The following TCF4 variants were observed in gnomAD, a reference collection of about 807,000 sequenced individuals.
TCF4 encodes the protein SL3-3 enhancer factor 2.
A neutral mutation model predicts 82.1 loss-of-function variants in TCF4; 3 were observed. The observed-to-expected ratio is 0.04, with a 90% CI of 0.02 to 0.09. The LOEUF is 0.09. TCF4 is among the 10% of genes least tolerant of loss of function. The pLI is 1.00. For missense variants in TCF4, 518 were observed against 852.7 expected (o/e 0.61, Z 4.89); for synonymous variants, 276 against 309.6 (o/e 0.89, Z 1.14).
chr18:55,236,991 C>T (rs116229399), intron 15 of TCF4, among the ~76,000 whole-genome samples: 2,019 of 152,234 alleles, frequency 0.013, 43 homozygotes, highest in African/African-American at 0.046. Flanking sequence ...TAATGTTTTG[C>T]TTTTTACTTA....
chr18:55,253,113 C>CTTCTATT (rs1485683472), intron 15 of TCF4, among the ~76,000 whole-genome samples: 16 of 152,214 alleles, frequency 1.1e-4, no homozygotes, highest in African/African-American at 3.4e-4. Flanking sequence ...GAGTTCGTTG[C>CTTCTATT]TTCTATTTAT....
At chr18:55,275,346 T>C (rs1046811159) in intron 10 of TCF4, among the ~76,000 whole-genome samples, 1 of 149,988 alleles carries the variant, frequency 6.7e-6, no homozygotes, top group Non-Finnish European at 1.5e-5. Flanking sequence ...GGTATCTATT[T>C]ATGTACCCAA....
At chr18:55,576,107 T>C (rs1421811017) in intron 3 of TCF4, among the ~76,000 whole-genome samples, 1 of 152,168 alleles carries the variant, frequency 6.6e-6, no homozygotes, top group South Asian at 2.1e-4. Context: ...TGAATTGTAC[T>C]GGTGAGTTTC....
Position 55,275,608 on chromosome 18 carries a change from G to GTC in TCF4, c.789+9_789+10dup. The GTC allele has an allele frequency of 6.2e-7, 1 of 1,613,660 alleles. No homozygotes were observed. The stretch of plus-strand genomic sequence containing the variant: ...CTGTGACATTCCCGTTACCGTGTAT[G>GTC]TCTGCCTTACCAAACGTTCATGTGG... On this transcript the variant is annotated intron_variant, in intron 10 of 19. Transcript: ENST00000354452.
At chr18:55,458,682 G>C (rs909847800) in intron 5 of TCF4, among the ~76,000 whole-genome samples, 1 of 152,098 alleles carries the variant, frequency 6.6e-6, no homozygotes, top group African/African-American at 2.4e-5. Flanking sequence ...CTTCAGATAC[G>C]CAAGCCAATC....
intron 3 of TCF4, among the ~76,000 whole-genome samples, chr18:55,548,920 A>C (rs2097231941): frequency 6.6e-6 from 1 of 152,230 alleles, no homozygotes; most frequent in African/African-American, 2.4e-5. Context: ...TGGTGAGTGA[A>C]TGCAAAGGCC....
intron 6 of TCF4, 24 bp from the exon 7 acceptor site, chr18:55,351,027 A>C: frequency 6.2e-7 from 1 of 1,612,850 alleles, no homozygotes. Context: ...AAGGGAAAAC[A>C]AACATATAAG....
chr18:55,495,089 C>G (rs2096619792), intron 3 of TCF4, among the ~76,000 whole-genome samples: 1 of 151,714 alleles, frequency 6.6e-6, no homozygotes, highest in African/African-American at 2.4e-5. Context: ...AGAGCTCAAC[C>G]ACAGGGTTAC....
chr18:55,228,148 T>A (rs1258056542), intron 19 of TCF4, 73 bp downstream of exon 19: 1 of 1,591,478 alleles, frequency 6.3e-7, no homozygotes, highest in Non-Finnish European at 8.6e-7. Context: ...TTGGGTGAAA[T>A]TCACTTTTAT....
At chr18:55,309,964 T>C (rs2071760416) in intron 8 of TCF4, among the ~76,000 whole-genome samples, 1 of 152,178 alleles carries the variant, frequency 6.6e-6, no homozygotes, top group Non-Finnish European at 1.5e-5. Context: ...AAAATTACCA[T>C]AAAAATAGTA....
intron 5 of TCF4, among the ~76,000 whole-genome samples, chr18:55,447,442 T>C (rs1209882493): frequency 1.3e-5 from 2 of 152,172 alleles, no homozygotes; most frequent in Non-Finnish European, 2.9e-5. Flanking sequence ...GATTCTTTTA[T>C]TAGGATGTGG....
rs568516920 is a variant in TCF4 at position 55,620,731 on chromosome 18, A to T, written c.286+10567T>A. On this transcript the variant is annotated intron_variant, in intron 2 of 20. Coordinates refer to the TCF4 transcript ENST00000398339. ...CCCCTTGCTTGTTTCTTATCTTTTA[A>T]TGATCAGTATTCTTTGTCGTCCATT... Among the ~76,000 whole-genome samples the T allele has an allele frequency of 5.3e-5, 8 of 151,808 alleles. No individual in the cohort carries two copies. In the South Asian group the frequency reaches 1.5e-3, roughly 28 times the overall value.
At chr18:55,624,725 C>T (rs2097724811) in intron 2 of TCF4, among the ~76,000 whole-genome samples, 1 of 152,184 alleles carries the variant, frequency 6.6e-6, no homozygotes, top group Middle Eastern at 3.2e-3. Context: ...TTTCTCCAGG[C>T]AGCTCTCCCT....
At chr18:55,460,301 C>A (rs2095848335) in intron 5 of TCF4, among the ~76,000 whole-genome samples, 1 of 151,682 alleles carries the variant, frequency 6.6e-6, no homozygotes, top group African/African-American at 2.4e-5. Context: ...CTATTGGGAC[C>A]TTTTAAGCCA....
intron 3 of TCF4, among the ~76,000 whole-genome samples, chr18:55,569,300 A>G (rs2097438974): frequency 6.6e-6 from 1 of 152,166 alleles, no homozygotes; most frequent in African/African-American, 2.4e-5. Context: ...AGATCTACAG[A>G]AAAAACTCTA....
At chr18:55,592,955 A>G (rs2097687183), upstream of TCF4, among the ~76,000 whole-genome samples, 1 of 152,242 alleles carries the variant, frequency 6.6e-6, no homozygotes, top group Non-Finnish European at 1.5e-5. Context: ...GAGATTGCTA[A>G]TTCCTGCAAT....
intron 8 of TCF4, chr18:55,321,535 G>A: frequency 7.7e-7 from 1 of 1,307,112 alleles, no homozygotes; most frequent in Non-Finnish European, 1.1e-6. Flanking sequence ...ATTGGCAAAT[G>A]ATAAATATTT....
intron 8 of TCF4, among the ~76,000 whole-genome samples, chr18:55,292,729 T>C (rs758419962): frequency 2.6e-5 from 4 of 152,106 alleles, no homozygotes; most frequent in Non-Finnish European, 4.4e-5. Flanking sequence ...CGTATATACA[T>C]GTGCGTAGAT....
intron 6 of TCF4, among the ~76,000 whole-genome samples, chr18:55,391,571 G>C (rs1465106411): frequency 6.6e-6 from 1 of 151,914 alleles, no homozygotes; most frequent in Non-Finnish European, 1.5e-5. Context: ...AGAGTCTCCT[G>C]GGCCCAGGTA....
Sources: gnomAD v4.1 joint callset for allele counts (sites outside exome capture counted in the v4.1 genomes callset) on GRCh38, gnomAD v4.1.1 for gene constraint, MANE v1.5 for transcripts, NCBI Gene and HGNC (gene_info 2026-07-23, HGNC 2026-07-21) for gene names.